The following ITPR2 variants were observed in gnomAD, a reference collection of about 807,000 sequenced individuals.
The protein encoded by ITPR2 is inositol 1,4,5-trisphosphate-gated calcium channel ITPR2.
Under a neutral mutation model 317.1 loss-of-function variants are expected in ITPR2, and 207 were observed. That is an observed-to-expected ratio of 0.65 (90% CI 0.58 to 0.73). The LOEUF (loss-of-function observed/expected upper bound fraction) is 0.73, where lower values mean the gene tolerates loss of function less well. ITPR2 is among the 30% of genes least tolerant of loss of function. The pLI, the probability that ITPR2 is intolerant of heterozygous loss-of-function variation, is 0.00. For missense variants in ITPR2, 2,613 were observed against 3,284.0 expected (o/e 0.80, Z 4.99); for synonymous variants, 1,156 against 1,149.1 (o/e 1.01, Z -0.12).
In ITPR2 at chr12:26,715,456, G is replaced by C. The variant is rs1948722918; in HGVS notation, c.709-11C>G. ...TCTAACAACGTCCCCCTAGCAAAAA[G>C]GTCAAGAGACATCTGAACAAACAGA... On this transcript the variant is annotated splice_polypyrimidine_tract_variant and intron_variant, in intron 7 of 56. Coordinates refer to ENST00000381340, the MANE Select transcript of ITPR2 (RefSeq NM_002223.4). 1.2e-6 allele frequency: 2 copies of C among 1,610,310 alleles called. No homozygotes were observed. Among genetic ancestry groups the C allele is most frequent in the Non-Finnish European group, 1.7e-6 (2 of 1,177,952 alleles).
chr12:26,632,078 G>A lies in ITPR2; in HGVS notation c.2741-19C>T, dbSNP rs201094410. On this transcript the variant is annotated intron_variant, in intron 21 of 56. Coordinates refer to ENST00000381340, the MANE Select transcript of ITPR2 (RefSeq NM_002223.4). ...TTGTTTCCTGGCATGAGAAAATGCC[G>A]TAAGTCAACACACACAACCCCTGGA... 5.4e-5 allele frequency: 82 copies of A among 1,516,118 alleles called. No individual in the cohort carries two copies. Among genetic ancestry groups the A allele is most frequent in the Non-Finnish European group, 6.3e-5 (71 of 1,132,516 alleles). 93.9% of individuals were successfully genotyped at this position (1,516,118 alleles called of 1,614,324 possible). A position where few individuals can be genotyped will look rare whatever the true frequency, so the allele number is the denominator to read the frequency against.
intron 2 of ITPR2, among the ~76,000 whole-genome samples, chr12:26,772,478 A>ATAATATATATAATAAATGTATT (rs58056683): frequency 3.7e-5 from 3 of 80,636 alleles, no homozygotes; most frequent in Non-Finnish European, 9.9e-5. Flanking sequence ...TATTATATAT[A>ATAATATATATAATAAATGTATT]ATATATATAA....
At chr12:26,397,971 G>A (rs1009432214) in intron 54 of ITPR2, among the ~76,000 whole-genome samples, 2 of 151,954 alleles carry the variant, frequency 1.3e-5, no homozygotes, top group Non-Finnish European at 2.9e-5. Flanking sequence ...AGAGGGCAGA[G>A]CTGAGGGGGA....
chr12:26,644,310 G>T (rs1177528571), intron 21 of ITPR2, among the ~76,000 whole-genome samples: 3 of 152,168 alleles, frequency 2.0e-5, no homozygotes, highest in African/African-American at 7.2e-5. Flanking sequence ...GTTGAGTGGG[G>T]AGGAGCTGCT....
chr12:26,520,016 G>GAGGATGGGAACACGGTGCA (rs1456150704), intron 37 of ITPR2, among the ~76,000 whole-genome samples: 1 of 152,220 alleles, frequency 6.6e-6, no homozygotes, highest in Admixed American at 6.5e-5. Context: ...AGGTAGGTGG[G>GAGGATGGGAACACGGTGCA]AGGATGGGAA....
At position 26,565,868 on chromosome 12, in the gene ITPR2, G is replaced by GGAGGA. The variant is rs1360815446; in HGVS notation, c.4631-3921_4631-3917dup. 6.0e-4 allele frequency among the ~76,000 whole-genome samples: 24 copies of GGAGGA among 40,314 alleles called. 2 individuals carry two copies. Among genetic ancestry groups the GGAGGA allele is most frequent in the South Asian group, 3.4e-3 (2 of 592 alleles). 26.4% of individuals were successfully genotyped at this position (40,314 alleles called of 152,430 possible). A position where few individuals can be genotyped will look rare whatever the true frequency, so the allele number is the denominator to read the frequency against. Reference sequence around the variant, plus strand: ...AGAGGAGAGGAGAGGAGAGGGGAGGGGAGGAGAGGAGAGGGGAGGGGAGGA... The same window carrying GGAGGA: ...AGAGGAGAGGAGAGGAGAGGGGAGGGGAGGAGAGGAGAGGAGAGGGGAGGGGAGGA... On this transcript the variant is annotated intron_variant, in intron 34 of 56. Transcript: ENST00000381340.
At chr12:26,789,295 C>T (rs1429279665) in intron 2 of ITPR2, among the ~76,000 whole-genome samples, 1 of 152,104 alleles carries the variant, frequency 6.6e-6, no homozygotes, top group Admixed American at 6.6e-5. Context: ...AATAAAATGC[C>T]TATCCCAGAG....
chr12:26,655,882 T>G, intron 19 of ITPR2, 30 bp from the exon 20 acceptor site: 1 of 1,580,394 alleles, frequency 6.3e-7, no homozygotes, highest in Non-Finnish European at 8.6e-7. Context: ...ATAACGCAAG[T>G]TAAACTGATT....
At position 26,376,498 on chromosome 12, in the gene ITPR2, C is replaced by A. The variant is rs576836054; in HGVS notation, c.7857+10936G>T. Reference sequence around the variant, plus strand: ...AATTTCCAGTGGCATTTCCTTAGTACCAGATCTCATTATTGTTGCTGGGTA... The same window carrying A: ...AATTTCCAGTGGCATTTCCTTAGTAACAGATCTCATTATTGTTGCTGGGTA... On this transcript the variant is annotated intron_variant, in intron 55 of 56. Transcript: ENST00000381340. 5.9e-5 allele frequency among the ~76,000 whole-genome samples: 9 copies of A among 152,256 alleles called. No individual in the cohort carries two copies. In the South Asian group the frequency reaches 1.5e-3, roughly 25 times the overall value.
In ITPR2 at chr12:26,671,801, A is replaced by T. The variant is rs374643648; in HGVS notation, c.1410-5750T>A. On this transcript the variant is annotated intron_variant, in intron 13 of 56. Coordinates refer to ENST00000381340, the MANE Select transcript of ITPR2 (RefSeq NM_002223.4). Reference sequence around the variant, plus strand: ...CTCATCAGTGTGCTGTATTCAGGCAACCTATCTCACGTGCAGAGACACACA... The same window carrying T: ...CTCATCAGTGTGCTGTATTCAGGCATCCTATCTCACGTGCAGAGACACACA... Among the ~76,000 whole-genome samples, 51 of 152,332 alleles carry T rather than the reference A, an allele frequency of 3.3e-4. No homozygotes were observed. In the South Asian group the frequency reaches 0.01, roughly 31 times the overall value.
intron 45 of ITPR2, among the ~76,000 whole-genome samples, chr12:26,461,913 T>C (rs1942041870): frequency 6.6e-6 from 1 of 151,370 alleles, no homozygotes; most frequent in African/African-American, 2.4e-5. Context: ...TTTTTTTTGG[T>C]CTGGCTAAGG....
intron 37 of ITPR2, among the ~76,000 whole-genome samples, chr12:26,507,863 C>CTCTCTG (rs372756412): frequency 1.6e-3 from 210 of 132,280 alleles, no homozygotes; most frequent in African/African-American, 5.4e-3. Context: ...CTCTCTGTCT[C>CTCTCTG]TGTGTGTGTG....
intron 37 of ITPR2, among the ~76,000 whole-genome samples, chr12:26,535,089 C>T (rs1368920173): frequency 2.0e-5 from 3 of 152,058 alleles, no homozygotes; most frequent in South Asian, 4.1e-4. Flanking sequence ...ATGCTGAATA[C>T]CTTAATTTGA....
At chr12:26,769,027 C>CACACACAA in intron 2 of ITPR2, among the ~76,000 whole-genome samples, 2 of 112,316 alleles carry the variant, frequency 1.8e-5, no homozygotes, top group Non-Finnish European at 3.4e-5. Flanking sequence ...ACACACACAC[C>CACACACAA]CCAATCTCAG....
intron 2 of ITPR2, among the ~76,000 whole-genome samples, chr12:26,765,548 T>C (rs990016990): frequency 6.6e-6 from 1 of 152,148 alleles, no homozygotes. Context: ...TGTAATAACA[T>C]ACAACAGTTG....
chr12:26,832,085 A>T (rs920854135), intron 1 of ITPR2, among the ~76,000 whole-genome samples: 8 of 152,084 alleles, frequency 5.3e-5, no homozygotes, highest in Non-Finnish European at 7.4e-5. Context: ...CAAGGGCCAC[A>T]GCGCTGCAGA....
At chr12:26,707,038 C>T (rs772080279) in intron 9 of ITPR2, among the ~76,000 whole-genome samples, 22 of 152,176 alleles carry the variant, frequency 1.4e-4, no homozygotes, top group Non-Finnish European at 2.8e-4. Flanking sequence ...ACTAACCTCA[C>T]ACCAGATTCT....
In ITPR2 at chr12:26,832,850, C is replaced by T. The variant is rs1951140418; in HGVS notation, c.-69G>A. ...CCCTCGCCGCCCTCTCTCCAGGGAG[C>T]CGCCGCGGCAGAAGCGGATCGGATC... is the stretch of plus-strand genomic sequence containing the variant. On this transcript the variant is annotated 5_prime_UTR_variant, in exon 1 of 57. Transcript: ENST00000381340. 8.0e-7 allele frequency: 1 copy of T among 1,247,980 alleles called. No individual in the cohort carries two copies. The highest frequency in any genetic ancestry group is 1.9e-4 in the Middle Eastern group (1 of 5,322). The allele number at this position is 1,247,980 out of a possible 1,614,324, so 77.3% of individuals were successfully genotyped here. A position where few individuals can be genotyped will look rare whatever the true frequency, so the allele number is the denominator to read the frequency against.
chr12:26,735,427 G>A (rs553532633), intron 2 of ITPR2, among the ~76,000 whole-genome samples: 47 of 152,230 alleles, frequency 3.1e-4, no homozygotes, highest in African/African-American at 1.1e-3. Context: ...AAACAAAATG[G>A]GAAGGAAAAG....
Sources: allele counts gnomAD v4.1 joint callset (sites outside exome capture counted in the v4.1 genomes callset), GRCh38; gene constraint gnomAD v4.1.1; transcripts MANE v1.5; gene names NCBI Gene and HGNC (gene_info 2026-07-23, HGNC 2026-07-21).